The following WDR90 variants were observed in gnomAD, a reference collection of about 807,000 sequenced individuals.
The protein encoded by WDR90 is WD repeat-containing protein 90.
A neutral mutation model predicts 195.2 loss-of-function variants in WDR90; 238 were observed. The ratio of observed to expected loss-of-function variants is 1.22; its 90% confidence interval spans 1.10 to 1.36. The LOEUF (loss-of-function observed/expected upper bound fraction) is 1.36. WDR90 is among the 40% of genes most tolerant of loss of function. The pLI is 0.00. For synonymous variants in WDR90, 1,265 were observed against 1,052.4 expected (o/e 1.20, Z -3.91); for missense variants, 2,734 against 2,439.5 (o/e 1.12, Z -2.54).
Position 660,675 on chromosome 16 carries a change from G to T in WDR90, c.3352G>T (p.Gly1118Trp). ...LRLKAVVGYS[G>W]NGRANMVWRP... ...TCTGAAGGCTGTCGTCGGTTACAGC[G>T]GGAATGGGCGGGCCAACATGGTCTG... The change falls in exon 28 of 41, where the codon GGG becomes TGG. Residue 1118 changes from glycine to tryptophan, a missense_variant. Gly to Trp is a radical substitution (Grantham distance 184). Coordinates refer to ENST00000293879, the MANE Select transcript of WDR90 (RefSeq NM_145294.5). 1 of 1,579,960 alleles carries T rather than the reference G, an allele frequency of 6.3e-7. No homozygotes were observed. Among genetic ancestry groups the T allele is most frequent in the Non-Finnish European group, 8.6e-7 (1 of 1,163,906 alleles).
chr16:653,866 G>T (rs540114845), intron 13 of WDR90, 63 bp downstream of exon 13: 5 of 1,584,846 alleles, frequency 3.2e-6, no homozygotes, highest in Non-Finnish European at 3.4e-6. Flanking sequence ...CAGCTGGAAG[G>T]GTCTTGGTTT....
chr16:653,830 G>C, intron 13 of WDR90, 27 bp downstream of exon 13: 1 of 1,612,466 alleles, frequency 6.2e-7, no homozygotes, highest in South Asian at 1.1e-5. Context: ...TGCGGGTTGG[G>C]GTGGGGCTGT....
chr16:651,233 C>T lies in WDR90; in HGVS notation c.703C>T (p.Pro235Ser), dbSNP rs371360665. Reference sequence around the variant, plus strand: ...TGAGAGCTTGAAAGTGCCTTCCAAGCCGATTGAGAAGAGCTGTTCCCCTCC... The same window carrying T: ...TGAGAGCTTGAAAGTGCCTTCCAAGTCGATTGAGAAGAGCTGTTCCCCTCC... ...PSESLKVPSK[P>S]IEKSCSPPEA... is the part of the protein sequence containing the mutation. Residue 235 changes from proline to serine, a missense_variant, in exon 7 of 41, where the codon CCG becomes TCG. Coordinates refer to ENST00000293879, the MANE Select transcript of WDR90 (RefSeq NM_145294.5). 5 of 1,613,100 alleles carry T rather than the reference C, an allele frequency of 3.1e-6. No homozygotes were observed. The highest frequency in any genetic ancestry group is 2.2e-5 in the East Asian group (1 of 44,894).
chr16:667,364 T>A (rs2151420425), intron 40 of WDR90, 68 bp from the exon 41 acceptor site: 1 of 1,536,598 alleles, frequency 6.5e-7, no homozygotes, highest in East Asian at 2.3e-5. Context: ...ACAGTCTGGG[T>A]GGGTTGGGGG....
rs1186040578 is a variant in WDR90, at chr16:659,390, G to T, written c.3184+14G>T. 4.4e-6 allele frequency: 7 copies of T among 1,588,102 alleles called. No homozygotes were observed. The highest frequency in any genetic ancestry group is 6.0e-6 in the Non-Finnish European group (7 of 1,168,312). On this transcript the variant is annotated intron_variant, in intron 26 of 40. Transcript: ENST00000293879. ...AAGGTGGCGATGGTGAGCAGCAGGG[G>T]TCCTGGAGGAGTGGGGGGATTCGGG...
chr16:660,408 A>T lies in WDR90; in HGVS notation c.3289-204A>T, dbSNP rs1258499530. Reference sequence around the variant, plus strand: ...CCCTCTCACCCAGCAGCTGCCCTTGATGAGAGCCCCACGGGCCTGTGCCCC... The same window carrying T: ...CCCTCTCACCCAGCAGCTGCCCTTGTTGAGAGCCCCACGGGCCTGTGCCCC... On this transcript the variant is annotated intron_variant, in intron 27 of 40. Coordinates refer to ENST00000293879, the MANE Select transcript of WDR90 (RefSeq NM_145294.5). 9.3e-6 allele frequency: 6 copies of T among 642,600 alleles called. No individual in the cohort carries two copies. The East Asian group carries it at 1.4e-4, about 15-fold the overall frequency. The allele number at this position is 642,600 out of a possible 1,614,324, so 39.8% of individuals were successfully genotyped here.
chr16:656,481 GC>G lies in WDR90; in HGVS notation c.2148del (p.Thr717ProfsTer74). The part of the protein sequence containing the change: ...LAMEQRRGQL[A>X]TVSQDRTVRI... ...CATGGAGCAGAGGCGGGGACAGCTG[GC>G]CACCGTGTCCCAGGACCGTACCGTC... On this transcript the variant is annotated frameshift_variant, in exon 18 of 41. Coordinates refer to ENST00000293879, the MANE Select transcript of WDR90 (RefSeq NM_145294.5). LOFTEE classifies it high-confidence loss of function. 1 of 1,583,426 alleles carries G rather than the reference GC, an allele frequency of 6.3e-7. No individual in the cohort carries two copies.
In WDR90 at chr16:658,213, C is replaced by A; in HGVS notation, c.2635C>A (p.Leu879Met). 1 of 1,612,064 alleles carries A rather than the reference C, an allele frequency of 6.2e-7. No homozygotes were observed. ...LLRVDIGTLD[L>M]ASSRLDSAMA... Reference sequence around the variant, plus strand: ...GCGAGTTGACATCGGCACTCTGGACCTGGCCAGCAGCCGCCTGGACTCAGC... The same window carrying A: ...GCGAGTTGACATCGGCACTCTGGACATGGCCAGCAGCCGCCTGGACTCAGC... Residue 879 changes from leucine to methionine, a missense_variant, in exon 22 of 41, where the codon CTG (leucine) becomes ATG (methionine). Coordinates refer to ENST00000293879, the MANE Select transcript of WDR90 (RefSeq NM_145294.5).
rs760625310 is a variant in WDR90, at chr16:655,440, G to T, written c.1690G>T (p.Gly564Cys). ...TDLAFKQARDGCPEPSAAMLF... is the reference protein window; with the variant it reads ...TDLAFKQARDCCPEPSAAMLF... Reference sequence around the variant, plus strand: ...CCTGGCCTTCAAGCAGGCCCGGGACGGCTGCCCGGAGCCCTCGGCTGCCAT... The same window carrying T: ...CCTGGCCTTCAAGCAGGCCCGGGACTGCTGCCCGGAGCCCTCGGCTGCCAT... The change falls in exon 15 of 41, where the codon GGC becomes TGC. Residue 564 changes from glycine (G) to cysteine (C), a missense_variant. Transcript: ENST00000293879. The T allele has an allele frequency of 2.0e-5, 31 of 1,561,816 alleles. No homozygotes were observed. The highest frequency in any genetic ancestry group is 2.6e-5 in the Non-Finnish European group (30 of 1,157,182).
In WDR90 at chr16:650,270, G is replaced by T; in HGVS notation, c.296G>T (p.Arg99Leu). Residue 99 changes from arginine to leucine, a missense_variant, in exon 4 of 41, where the codon CGT (arginine) becomes CTT (leucine). By Grantham distance (102) the Arg-to-Leu change is moderately radical (BLOSUM62 -2). Transcript: ENST00000293879. The part of the protein sequence containing the change: ...DVSSKDNQVI[R>L]VSFSNLFKEF... ...TCCCCACAGGACAACCAAGTCATCC[G>T]TGTGTCTTTCTCCAACCTCTTCAAG... is the stretch of plus-strand genomic sequence containing the variant. The T allele has an allele frequency of 6.2e-7, 1 of 1,612,958 alleles. No individual in the cohort carries two copies. Among genetic ancestry groups the T allele is most frequent in the South Asian group, 1.1e-5 (1 of 91,088 alleles).
intron 18 of WDR90, 60 bp downstream of exon 18, chr16:656,597 G>C: frequency 1.3e-6 from 2 of 1,573,360 alleles, no homozygotes; most frequent in Non-Finnish European, 1.7e-6. Flanking sequence ...GCTGGGGTTT[G>C]TCAGCGGGGG....
chr16:659,145 C>T lies in WDR90; in HGVS notation c.3052+19C>T, dbSNP rs1353753770. 20 of 1,611,012 alleles carry T rather than the reference C, an allele frequency of 1.2e-5. No individual in the cohort carries two copies. The highest frequency in any genetic ancestry group is 1.5e-5 in the Non-Finnish European group (18 of 1,179,802). ...AAGACAGGTGAGTGGCTGTGCTCAGCTGGGGTGCAGGTGCTGCGCTGACTC... is the reference window on the plus strand; with the variant it reads ...AAGACAGGTGAGTGGCTGTGCTCAGTTGGGGTGCAGGTGCTGCGCTGACTC... On this transcript the variant is annotated intron_variant, in intron 25 of 40. Transcript: ENST00000293879.
chr16:667,772 C>T lies in WDR90; in HGVS notation c.*183C>T, dbSNP rs958624845. The T allele has an allele frequency of 2.5e-5, 20 of 804,518 alleles. No homozygotes were observed. The highest frequency in any genetic ancestry group is 1.1e-4 in the East Asian group (4 of 37,002). The allele number at this position is 804,518 out of a possible 1,614,324, so 49.8% of individuals were successfully genotyped here. ...TGTGAATACTTTCATACCTGTTGCCCTTTTGCCTAAGAAATCTTTAATGTT... is the reference window on the plus strand; with the variant it reads ...TGTGAATACTTTCATACCTGTTGCCTTTTTGCCTAAGAAATCTTTAATGTT... On this transcript the variant is annotated 3_prime_UTR_variant, in exon 41 of 41. Transcript: ENST00000293879.
rs1401023809 is a variant in WDR90 at position 666,092 on chromosome 16, T to G, written c.4577T>G (p.Val1526Gly). 6.2e-7 allele frequency: 1 copy of G among 1,610,498 alleles called. No homozygotes were observed. ...AMELKMHPHP[V>G]ALTTVAFSTD... ...GAGCTCAAGATGCACCCCCACCCGG[T>G]GGCGCTGACCACTGTTGCCTTCTCC... Residue 1526 changes from valine to glycine, a missense_variant, in exon 36 of 41, where the codon GTG (valine) becomes GGG (glycine). Val to Gly is a moderately radical substitution (Grantham distance 109). Coordinates refer to ENST00000293879, the MANE Select transcript of WDR90 (RefSeq NM_145294.5).
At chr16:657,057 G>A in intron 19 of WDR90, 34 bp from the exon 20 acceptor site, 2 of 1,591,618 alleles carry the variant, frequency 1.3e-6, no homozygotes, top group African/African-American at 1.3e-5. Context: ...GGGCTTCGGG[G>A]CTAGGGCCAG....
Position 661,082 on chromosome 16 carries a change from G to T in WDR90, c.3423G>T (p.Val1141=). Residue 1141 remains valine, a synonymous_variant, in exon 29 of 41, where the codon GTG becomes GTT. Transcript: ENST00000293879. ...GFFAYTCGRL[V]VVEDLHSGAQ... The stretch of plus-strand genomic sequence containing the variant: ...TTGCCTACACGTGCGGCCGCCTGGT[G>T]GTGGTGGAGGACCTGCACTCTGGCG... The T allele has an allele frequency of 6.7e-7, 1 of 1,492,976 alleles. No homozygotes were observed. The allele number at this position is 1,492,976 out of a possible 1,614,324, so 92.5% of individuals were successfully genotyped here.
rs762600581 is a variant in WDR90 at position 655,983 on chromosome 16, G to A, written c.1966+94G>A. The stretch of plus-strand genomic sequence containing the variant: ...AGTCCCCGGGGCTCTGCTGTCAGCC[G>A]CCCTGGCTCCTGGCTGCACAGGGTG... On this transcript the variant is annotated intron_variant, in intron 17 of 40. Transcript: ENST00000293879. 44 of 1,396,088 alleles carry A rather than the reference G, an allele frequency of 3.2e-5. No homozygotes were observed. The Admixed American group carries it at 6.2e-4, about 20-fold the overall frequency. The allele number at this position is 1,396,088 out of a possible 1,614,324, so 86.5% of individuals were successfully genotyped here.
chr16:654,787 G>A, intron 13 of WDR90: 2 of 557,372 alleles, frequency 3.6e-6, no homozygotes, highest in Non-Finnish European at 6.4e-6. Context: ...CTTGCGGGGG[G>A]GTTTGTACTT....
At chr16:659,630 A>C (rs4984907) in intron 26 of WDR90, among the ~76,000 whole-genome samples, 40,739 of 151,908 alleles carry the variant, frequency 0.27, 6,247 homozygotes, top group East Asian at 0.69. Flanking sequence ...TGTCCCCGTC[A>C]GATGAGGAAG....
Sources: gnomAD v4.1 joint callset for allele counts (sites outside exome capture counted in the v4.1 genomes callset) on GRCh38, gnomAD v4.1.1 for gene constraint, MANE v1.5 for transcripts, NCBI Gene and HGNC (gene_info 2026-07-23, HGNC 2026-07-21) for gene names.